PRPSAP2: variants seen among roughly 807,000 people sequenced by gnomAD.
PRPSAP2 encodes phosphoribosyl pyrophosphate synthetase associated protein 2.
A neutral mutation model predicts 40.6 loss-of-function variants in PRPSAP2; 24 were observed. The observed-to-expected ratio is 0.59, with a 90% CI of 0.43 to 0.83. PRPSAP2 has a LOEUF of 0.83. Among genes scored for constraint, PRPSAP2 ranks in the 40% least tolerant of loss-of-function variants. The pLI, the probability that PRPSAP2 is intolerant of heterozygous loss-of-function variation, is 0.00. For missense variants in PRPSAP2, 292 were observed against 465.6 expected, an observed-to-expected ratio of 0.63 and a Z score of 3.43; for synonymous variants, 149 against 164.7, an observed-to-expected ratio of 0.90 and a Z score of 0.73.
At chr17:18,883,943 T>C (rs1024445506) in intron 7 of PRPSAP2, among the ~76,000 whole-genome samples, 11 of 152,054 alleles carry the variant, frequency 7.2e-5, no homozygotes, top group Non-Finnish European at 1.5e-4. Context: ...TATTCTGCTT[T>C]TTTTTTTTCT....
At chr17:18,917,636 C>T (rs1200485199) in intron 9 of PRPSAP2, 2 of 110,152 alleles carry the variant, frequency 1.8e-5, no homozygotes, top group South Asian at 3.3e-4. Flanking sequence ...GACAGGGTTT[C>T]GCCATGTTGG....
At chr17:18,885,403 C>CAAAAAAAAAA in intron 7 of PRPSAP2, among the ~76,000 whole-genome samples, 1 of 10,986 alleles carries the variant, frequency 9.1e-5, no homozygotes, top group Non-Finnish European at 2.7e-4. Context: ...TTCCTTCTCA[C>CAAAAAAAAAA]AAAAAAAAAA....
intron 7 of PRPSAP2, among the ~76,000 whole-genome samples, chr17:18,886,228 C>A (rs1285884551): frequency 3.9e-5 from 6 of 152,264 alleles, no homozygotes; most frequent in Non-Finnish European, 7.4e-5. Flanking sequence ...TGATCCTATT[C>A]TGCAGGTTTT....
intron 9 of PRPSAP2, chr17:18,917,586 T>TATTACTA (rs1448581125): frequency 1.7e-4 from 4 of 23,878 alleles, no homozygotes; most frequent in Non-Finnish European, 2.8e-4. Flanking sequence ...TTATTATTAT[T>TATTACTA]TTTTTTTTTT....
At chr17:18,906,614 A>G (rs1489390782) in intron 8 of PRPSAP2, among the ~76,000 whole-genome samples, 1 of 152,136 alleles carries the variant, frequency 6.6e-6, no homozygotes, top group African/African-American at 2.4e-5. Context: ...CTTCGTCTCA[A>G]AGTGCTGGGA....
At chr17:18,879,706 A>T (rs1478262074) in intron 6 of PRPSAP2, among the ~76,000 whole-genome samples, 1 of 152,054 alleles carries the variant, frequency 6.6e-6, no homozygotes, top group Non-Finnish European at 1.5e-5. Flanking sequence ...CACCTTCCTC[A>T]GCCTCCCAAA....
chr17:18,894,845 T>G (rs1439758537), intron 8 of PRPSAP2, among the ~76,000 whole-genome samples: 1 of 152,202 alleles, frequency 6.6e-6, no homozygotes, highest in African/African-American at 2.4e-5. Context: ...TTGTGTTGGC[T>G]ATTTTGGGTC....
intron 11 of PRPSAP2, 59 bp downstream of exon 11, chr17:18,929,016 T>C: frequency 1.3e-6 from 2 of 1,566,724 alleles, no homozygotes; most frequent in Non-Finnish European, 1.7e-6. Flanking sequence ...CATCTTGATC[T>C]TTAGTTACAG....
intron 9 of PRPSAP2, among the ~76,000 whole-genome samples, chr17:18,919,072 C>T (rs1006215158): frequency 2.0e-5 from 3 of 152,212 alleles, no homozygotes; most frequent in East Asian, 1.9e-4. Flanking sequence ...GTTAAAAAGA[C>T]GATGGGAGGG....
At chr17:18,880,354 G>A (rs1470343163) in intron 6 of PRPSAP2, among the ~76,000 whole-genome samples, 2 of 152,178 alleles carry the variant, frequency 1.3e-5, no homozygotes, top group Non-Finnish European at 2.9e-5. Context: ...CAAAGGTGGT[G>A]AAGGTTTTCT....
At chr17:18,877,935 T>C in intron 6 of PRPSAP2, 65 bp downstream of exon 6, 1 of 1,477,776 alleles carries the variant, frequency 6.8e-7, no homozygotes. Context: ...TATTCTCTCT[T>C]TTTTAAGACA....
At chr17:18,883,537 G>A (rs747721043) in intron 7 of PRPSAP2, among the ~76,000 whole-genome samples, 5 of 151,464 alleles carry the variant, frequency 3.3e-5, no homozygotes, top group East Asian at 1.9e-4. Flanking sequence ...ACAGGCATGC[G>A]CCAACACAGC....
upstream of PRPSAP2, chr17:18,857,721 T>C (rs938729902): frequency 6.6e-6 from 1 of 152,024 alleles, no homozygotes; most frequent in Non-Finnish European, 1.5e-5. Context: ...CGTCTGGCCG[T>C]ATTGTCTCAT....
intron 3 of PRPSAP2, among the ~76,000 whole-genome samples, chr17:18,866,815 G>A (rs181956474): frequency 6.6e-6 from 1 of 152,084 alleles, no homozygotes; most frequent in African/African-American, 2.4e-5. Context: ...GAAGAAAACT[G>A]TGTGAAAGTA....
In PRPSAP2 at chr17:18,930,710, G is replaced by A. The variant is rs1408971241; in HGVS notation, c.*12G>A. The A allele has an allele frequency of 6.2e-7, 1 of 1,602,992 alleles. No homozygotes were observed. Among genetic ancestry groups the A allele is most frequent in the South Asian group, 1.1e-5 (1 of 89,780 alleles). ...GCTTAGATGACTGAGTTTTCCTTTAGGAAAACTCCCGAGGGCCAAACTGGA... is the reference window on the plus strand; with the variant it reads ...GCTTAGATGACTGAGTTTTCCTTTAAGAAAACTCCCGAGGGCCAAACTGGA... On this transcript the variant is annotated 3_prime_UTR_variant, in exon 12 of 12. Transcript: ENST00000268835.
At chr17:18,915,263 C>T (rs550289578) in intron 9 of PRPSAP2, among the ~76,000 whole-genome samples, 151 of 151,150 alleles carry the variant, frequency 1.0e-3, no homozygotes, top group African/African-American at 3.5e-3. Context: ...GGGCTCAAAG[C>T]GATCCTTCCA....
At chr17:18,929,442 A>G (rs1361124007) in intron 11 of PRPSAP2, 2 of 152,178 alleles carry the variant, frequency 1.3e-5, no homozygotes, top group East Asian at 3.9e-4. Flanking sequence ...AGTCATTACC[A>G]TAGTTGGTTT....
At chr17:18,873,200 T>TTC (rs2038021260) in intron 5 of PRPSAP2, among the ~76,000 whole-genome samples, 1 of 148,622 alleles carries the variant, frequency 6.7e-6, no homozygotes, top group African/African-American at 2.5e-5. Context: ...TCTTTTTTTT[T>TTC]TTTTTTTTTT....
chr17:18,899,110 G>A (rs964012568), intron 8 of PRPSAP2, among the ~76,000 whole-genome samples: 1 of 152,050 alleles, frequency 6.6e-6, no homozygotes, highest in African/African-American at 2.4e-5. Flanking sequence ...CTCCATGTTG[G>A]TCAGGCTGGT....
Sources: gnomAD v4.1 joint callset for allele counts (sites outside exome capture counted in the v4.1 genomes callset) on GRCh38, gnomAD v4.1.1 for gene constraint, MANE v1.5 for transcripts, NCBI Gene and HGNC (gene_info 2026-07-23, HGNC 2026-07-21) for gene names.